WWTR1: variants seen among roughly 807,000 people sequenced by gnomAD.
WWTR1 encodes the protein WW domain-containing transcription regulator protein 1.
Under a neutral mutation model 40.1 loss-of-function variants are expected in WWTR1, and 13 were observed. The observed-to-expected ratio is 0.32, with a 90% confidence interval of 0.21 to 0.52. The LOEUF (loss-of-function observed/expected upper bound fraction) is 0.52, where lower values mean the gene tolerates loss of function less well. Among genes scored for constraint, WWTR1 ranks in the 20% least tolerant of loss-of-function variants. The probability of loss-of-function intolerance (pLI) is 0.97; values close to 1 mark genes in which losing one functional copy is unlikely to be tolerated. For synonymous variants in WWTR1, 230 were observed against 210.1 expected (o/e 1.09, Z -0.82); for missense variants, 436 against 523.1 (o/e 0.83, Z 1.63).
intron 5 of WWTR1, 117 bp downstream of exon 5, chr3:149,527,719 T>C (rs1576537647): frequency 1.4e-6 from 2 of 1,431,824 alleles, no homozygotes; most frequent in Admixed American, 3.8e-5. Flanking sequence ...CCTCCCTTTA[T>C]TCTCACCCTC....
chr3:149,627,658 C>T (rs735015), intron 2 of WWTR1, among the ~76,000 whole-genome samples: 4,194 of 152,220 alleles, frequency 0.028, 101 homozygotes, highest in Non-Finnish European at 0.044. Context: ...GAAATCACAG[C>T]GGGGTTCACC....
At chr3:149,571,047 A>T (rs755820964) in intron 3 of WWTR1, among the ~76,000 whole-genome samples, 9 of 152,162 alleles carry the variant, frequency 5.9e-5, no homozygotes, top group Non-Finnish European at 1.0e-4. Context: ...ATGTATGGAC[A>T]GGCAGGTGAA....
intron 4 of WWTR1, among the ~76,000 whole-genome samples, chr3:149,721,049 T>G (rs1715747427): frequency 6.6e-6 from 1 of 152,204 alleles, no homozygotes; most frequent in South Asian, 2.1e-4. Flanking sequence ...TGAGATCATG[T>G]CATCTGCAAA....
chr3:149,707,593 C>T (rs1485256326), upstream of WWTR1, among the ~76,000 whole-genome samples: 4 of 152,186 alleles, frequency 2.6e-5, no homozygotes, highest in East Asian at 7.7e-4. Context: ...TTAAGCAATT[C>T]CCTTTCCCAG....
intron 2 of WWTR1, among the ~76,000 whole-genome samples, chr3:149,629,252 C>T (rs1711499919): frequency 6.6e-6 from 1 of 152,218 alleles, no homozygotes; most frequent in Non-Finnish European, 1.5e-5. Flanking sequence ...AGTTTCACTC[C>T]TTTCTCAGTC....
In WWTR1 at chr3:149,553,377, G is replaced by T. The variant is rs370983181; in HGVS notation, c.569-10840C>A. On this transcript the variant is annotated intron_variant, in intron 3 of 6. Transcript: ENST00000360632. ...TAGTGTTTCCTTTTCCCTATTTCAT[G>T]AAAAAGTCTAACAGACTATTTTAAT... 5.9e-5 allele frequency among the ~76,000 whole-genome samples: 9 copies of T among 152,198 alleles called. No individual in the cohort carries two copies. In the East Asian group the frequency reaches 1.5e-3, roughly 26 times the overall value.
At chr3:149,672,978 T>A (rs1466114181) in intron 1 of WWTR1, among the ~76,000 whole-genome samples, 1 of 152,160 alleles carries the variant, frequency 6.6e-6, no homozygotes, top group African/African-American at 2.4e-5. Flanking sequence ...TAACTTTTCC[T>A]ATCTACTTAA....
At chr3:149,576,527 C>T (rs1025470493) in intron 2 of WWTR1, among the ~76,000 whole-genome samples, 2 of 152,192 alleles carry the variant, frequency 1.3e-5, no homozygotes, top group Non-Finnish European at 2.9e-5. Flanking sequence ...CCTGGCTTCA[C>T]TCCCTTGCTT....
intron 2 of WWTR1, among the ~76,000 whole-genome samples, chr3:149,638,586 G>A (rs1695294500): frequency 6.6e-6 from 1 of 151,722 alleles, no homozygotes; most frequent in African/African-American, 2.4e-5. Context: ...TGACTCGCTT[G>A]GCCTGTTTCC....
chr3:149,557,876 G>C lies in WWTR1; in HGVS notation c.568+14988C>G, dbSNP rs192681424. Among the ~76,000 whole-genome samples, 38 of 151,738 alleles carry C rather than the reference G, an allele frequency of 2.5e-4. No individual in the cohort carries two copies. The East Asian group carries it at 7.0e-3, about 28-fold the overall frequency. Reference sequence around the variant, plus strand: ...AAATTAGACAAGCGTGGCGGTGTGTGCCTGTAGTCTCTGCTACTGGGGAGG... The same window carrying C: ...AAATTAGACAAGCGTGGCGGTGTGTCCCTGTAGTCTCTGCTACTGGGGAGG... On this transcript the variant is annotated intron_variant, in intron 3 of 6. Coordinates refer to ENST00000360632, the MANE Select transcript of WWTR1 (RefSeq NM_015472.6).
intron 3 of WWTR1, among the ~76,000 whole-genome samples, chr3:149,549,943 A>C (rs1187551546): frequency 2.0e-5 from 3 of 152,224 alleles, no homozygotes; most frequent in Admixed American, 6.5e-5. Flanking sequence ...AAACTAAAGA[A>C]ATCTGAATAA....
rs976353069 is a variant in WWTR1 at position 149,716,877 on chromosome 3, C to CA, written n.584+564dup. Reference sequence around the variant, plus strand: ...GAAAAAAAATGTGGGCATACAGTCACAAGAATCAAAAATTATGGGCCAAGC... The same window carrying CA: ...GAAAAAAAATGTGGGCATACAGTCACAAAGAATCAAAAATTATGGGCCAAGC... On this transcript the variant is annotated intron_variant and non_coding_transcript_variant, in intron 5 of 6. Coordinates refer to the WWTR1 transcript ENST00000474080. Among the ~76,000 whole-genome samples, 16 of 152,168 alleles carry CA rather than the reference C, an allele frequency of 1.1e-4. 1 individual carries two copies. Among genetic ancestry groups the CA allele is most frequent in the Admixed American group, 5.9e-4 (9 of 15,276 alleles).
chr3:149,546,400 TATG>T (rs1444970467), intron 3 of WWTR1, among the ~76,000 whole-genome samples: 2 of 152,248 alleles, frequency 1.3e-5, no homozygotes, highest in Admixed American at 1.3e-4. Context: ...AGAAATTCTG[TATG>T]ATGATTCCAA....
chr3:149,625,950 C>T (rs912093715), intron 2 of WWTR1, among the ~76,000 whole-genome samples: 2 of 152,174 alleles, frequency 1.3e-5, no homozygotes, highest in African/African-American at 4.8e-5. Context: ...TAAGTACCTA[C>T]CAAGTCCCTC....
At chr3:149,668,306 A>C (rs1018989421) in intron 2 of WWTR1, among the ~76,000 whole-genome samples, 2 of 152,108 alleles carry the variant, frequency 1.3e-5, no homozygotes, top group African/African-American at 4.8e-5. Flanking sequence ...TGCCCTAAGG[A>C]TAGATTTTTG....
chr3:149,593,368 C>T (rs1738826919), intron 2 of WWTR1, among the ~76,000 whole-genome samples: 1 of 151,744 alleles, frequency 6.6e-6, no homozygotes, highest in African/African-American at 2.4e-5. Flanking sequence ...ATTGTACATG[C>T]CCTCGTCTTA....
chr3:149,579,399 A>AT (rs1738040470), intron 2 of WWTR1, among the ~76,000 whole-genome samples: 2 of 152,198 alleles, frequency 1.3e-5, no homozygotes, highest in Non-Finnish European at 2.9e-5. Context: ...TTTAAAACTC[A>AT]ATCATACTCA....
In WWTR1 at chr3:149,656,265, T is replaced by G. The variant is rs545650845; in HGVS notation, c.431+611A>C. 2.6e-4 allele frequency among the ~76,000 whole-genome samples: 39 copies of G among 152,364 alleles called. No homozygotes were observed. In the South Asian group the frequency reaches 6.4e-3, roughly 25 times the overall value. ...AACAAGTTTAATGTAATAAAACTCC[T>G]AACAATTTCCACACGATTGATTTGT... On this transcript the variant is annotated intron_variant, in intron 2 of 6. Coordinates refer to ENST00000360632, the MANE Select transcript of WWTR1 (RefSeq NM_015472.6).
intron 2 of WWTR1, among the ~76,000 whole-genome samples, chr3:149,617,478 C>A (rs930935575): frequency 5.9e-5 from 9 of 152,302 alleles, no homozygotes; most frequent in African/African-American, 1.9e-4. Flanking sequence ...TGGCCTCATT[C>A]TAACAAAGGA....
Sources: gnomAD v4.1 joint callset for allele counts (sites outside exome capture counted in the v4.1 genomes callset) on GRCh38, gnomAD v4.1.1 for gene constraint, MANE v1.5 for transcripts, NCBI Gene and HGNC (gene_info 2026-07-23, HGNC 2026-07-21) for gene names.